The following ULK2 variants were observed in gnomAD, a reference collection of about 807,000 sequenced individuals.
ULK2 encodes unc-51 like autophagy activating kinase 2.
Under a neutral mutation model 127.5 loss-of-function variants are expected in ULK2, and 76 were observed. That is an observed-to-expected ratio of 0.60 (90% confidence interval 0.50 to 0.72). ULK2 has a LOEUF of 0.72. Ranked by LOEUF, ULK2 falls within the 30% of genes least tolerant of loss-of-function variation. ULK2 has a pLI of 0.00. For missense variants in ULK2, 1,144 were observed against 1,295.9 expected (o/e 0.88, Z 1.80); for synonymous variants, 452 against 461.9 (o/e 0.98, Z 0.28).
chr17:19,801,736 G>C (rs770263230), intron 16 of ULK2, 41 bp downstream of exon 16: 18 of 1,605,928 alleles, frequency 1.1e-5, no homozygotes, highest in Admixed American at 7.0e-5. Flanking sequence ...TTATTACAGT[G>C]AAAAAAAGGT....
intron 12 of ULK2, among the ~76,000 whole-genome samples, 166 bp from the exon 13 acceptor site, chr17:19,817,086 C>T (rs1245118019): frequency 6.6e-6 from 1 of 152,054 alleles, no homozygotes; most frequent in Non-Finnish European, 1.5e-5. Context: ...CTTTAGAAAA[C>T]CTTTCTTTTA....
In ULK2 at chr17:19,783,718, C is replaced by T. The variant is rs2086967493; in HGVS notation, c.2439G>A (p.Leu813=). The change falls in exon 22 of 27, where the codon CTG becomes CTA. Residue 813 remains leucine (L), a synonymous_variant. Transcript: ENST00000395544. ...CTACCTCCATCAGCGTCTCCTCCGGCAGTTCAGGGGCTTCAAAGGTGATGA... is the reference window on the plus strand; with the variant it reads ...CTACCTCCATCAGCGTCTCCTCCGGTAGTTCAGGGGCTTCAAAGGTGATGA... ...EGLITFEAPE[L]PEETLMEREH... 2 of 1,555,800 alleles carry T rather than the reference C, an allele frequency of 1.3e-6. No individual in the cohort carries two copies. Among genetic ancestry groups the T allele is most frequent in the Admixed American group, 2.0e-5 (1 of 51,164 alleles).
At chr17:19,777,327 A>G (rs2086830282) in intron 26 of ULK2, among the ~76,000 whole-genome samples, 1 of 152,082 alleles carries the variant, frequency 6.6e-6, no homozygotes, top group Non-Finnish European at 1.5e-5. Context: ...CTGGTCTTGC[A>G]CTCCTGAGCT....
intron 12 of ULK2, among the ~76,000 whole-genome samples, chr17:19,820,684 C>T (rs961823767): frequency 6.6e-6 from 1 of 152,206 alleles, no homozygotes; most frequent in Admixed American, 6.5e-5. Context: ...CCTTCAGTGG[C>T]TCACGCTTCT....
chr17:19,862,190 G>T, intron 3 of ULK2, among the ~76,000 whole-genome samples: 1 of 150,944 alleles, frequency 6.6e-6, no homozygotes, highest in East Asian at 1.9e-4. Context: ...TCCGCCTCCC[G>T]GGTTCAAGTG....
At chr17:19,789,078 G>A (rs1283209552) in intron 20 of ULK2, among the ~76,000 whole-genome samples, 1 of 152,126 alleles carries the variant, frequency 6.6e-6, no homozygotes, top group African/African-American at 2.4e-5. Context: ...TAAGTCCTGG[G>A]GCTTGAGCGA....
intron 12 of ULK2, among the ~76,000 whole-genome samples, chr17:19,823,340 G>C (rs2152392229): frequency 6.6e-6 from 1 of 151,980 alleles, no homozygotes; most frequent in East Asian, 1.9e-4. Context: ...GCCCTAGCCT[G>C]GCTCCTATTT....
chr17:19,821,104 C>T (rs2041131116), intron 12 of ULK2, among the ~76,000 whole-genome samples: 1 of 152,036 alleles, frequency 6.6e-6, no homozygotes, highest in African/African-American at 2.4e-5. Context: ...ATCAGGAGTT[C>T]GAGACCAGCC....
At chr17:19,781,203 G>C in intron 23 of ULK2, 99 bp from the exon 24 acceptor site, 1 of 806,604 alleles carries the variant, frequency 1.2e-6, no homozygotes, top group South Asian at 1.8e-5. Context: ...TTTCTATAAA[G>C]GAATAGCATC....
intron 3 of ULK2, among the ~76,000 whole-genome samples, chr17:19,854,031 G>C (rs929305266): frequency 3.3e-5 from 5 of 152,042 alleles, no homozygotes; most frequent in African/African-American, 1.2e-4. Context: ...AGGCACAGTG[G>C]CTCACACCTG....
chr17:19,772,262 T>C lies in ULK2; in HGVS notation c.*4087A>G, dbSNP rs2086745967. On this transcript the variant is annotated 3_prime_UTR_variant, in exon 27 of 27. Coordinates refer to ENST00000395544, the MANE Select transcript of ULK2 (RefSeq NM_014683.4). ...CAAAGCTGTGATTTCTCAGGGCAAG[T>C]TGTCAGCTTTCCCGTATGCAGTGTT... The C allele has an allele frequency of 6.6e-6, 1 of 152,304 alleles. No homozygotes were observed. The highest frequency in any genetic ancestry group is 1.5e-5 in the Non-Finnish European group (1 of 68,086). 9.4% of individuals were successfully genotyped at this position (152,304 alleles called of 1,614,324 possible).
chr17:19,808,415 C>G (rs1567691768), intron 14 of ULK2, among the ~76,000 whole-genome samples: 1 of 151,978 alleles, frequency 6.6e-6, no homozygotes, highest in South Asian at 2.1e-4. Flanking sequence ...GGCAACAAAA[C>G]AAAAAATACA....
At position 19,772,109 on chromosome 17, in the gene ULK2, G is replaced by T. The variant is rs918665987; in HGVS notation, c.*4240C>A. The stretch of plus-strand genomic sequence containing the variant: ...TCCTGGCTCTGGCCATCTCTGCACA[G>T]CCTCTGCTGGGCCACTCTGTGAGAG... On this transcript the variant is annotated 3_prime_UTR_variant, in exon 27 of 27. Transcript: ENST00000395544. The T allele has an allele frequency of 2.0e-5, 3 of 152,448 alleles. No individual in the cohort carries two copies. The highest frequency in any genetic ancestry group is 1.3e-4 in the Admixed American group (2 of 15,294). 9.4% of individuals were successfully genotyped at this position (152,448 alleles called of 1,614,324 possible). A position where few individuals can be genotyped will look rare whatever the true frequency, so the allele number is the denominator to read the frequency against.
intron 5 of ULK2, 116 bp from the exon 6 acceptor site, chr17:19,847,026 T>C: frequency 1.1e-6 from 1 of 931,146 alleles, no homozygotes; most frequent in Non-Finnish European, 1.5e-6. Flanking sequence ...GGAATTTGGA[T>C]TCACATTTAT....
chr17:19,862,050 A>C (rs553203820), intron 3 of ULK2, among the ~76,000 whole-genome samples: 2 of 152,260 alleles, frequency 1.3e-5, no homozygotes, highest in African/African-American at 4.8e-5. Context: ...AGATATACAT[A>C]ATTCTTACAG....
intron 22 of ULK2, among the ~76,000 whole-genome samples, chr17:19,782,334 A>G (rs1194821562): frequency 6.6e-6 from 1 of 152,236 alleles, no homozygotes; most frequent in Non-Finnish European, 1.5e-5. Context: ...CTTTTACCAG[A>G]AAAAGAAAAG....
At chr17:19,864,287 G>C (rs961837594) in intron 3 of ULK2, among the ~76,000 whole-genome samples, 27 of 152,166 alleles carry the variant, frequency 1.8e-4, no homozygotes, top group African/African-American at 6.5e-4. Flanking sequence ...GGCCAACATG[G>C]TGAAACTCCA....
intron 9 of ULK2, among the ~76,000 whole-genome samples, chr17:19,840,820 G>A (rs1470239983): frequency 6.6e-6 from 1 of 151,692 alleles, no homozygotes; most frequent in Non-Finnish European, 1.5e-5. Context: ...ACTCGGGAGG[G>A]GGAGGCTGCA....
chr17:19,797,954 A>C (rs772279443), intron 17 of ULK2, among the ~76,000 whole-genome samples: 14 of 152,262 alleles, frequency 9.2e-5, no homozygotes, highest in Non-Finnish European at 1.6e-4. Flanking sequence ...AGATTAATGC[A>C]AGGTCTGACT....
Sources: gnomAD v4.1 joint callset for allele counts (sites outside exome capture counted in the v4.1 genomes callset) on GRCh38, gnomAD v4.1.1 for gene constraint, MANE v1.5 for transcripts, NCBI Gene and HGNC (gene_info 2026-07-23, HGNC 2026-07-21) for gene names.